TPRN: variants seen among roughly 807,000 people sequenced by gnomAD.
The protein encoded by TPRN is taperin, also known as chromosome 9 open reading frame 75.
Under a neutral mutation model 42.6 loss-of-function variants are expected in TPRN, and 32 were observed. The ratio of observed to expected loss-of-function variants is 0.75; its 90% CI spans 0.57 to 1.01. TPRN has a LOEUF of 1.01. Ranked by LOEUF, TPRN falls within the 50% of genes least tolerant of loss-of-function variation. The pLI is 0.00. For synonymous variants in TPRN, 541 were observed against 445.6 expected (o/e 1.21, Z -2.70); for missense variants, 1,095 against 957.5 (o/e 1.14, Z -1.90).
Position 137,200,397 on chromosome 9 carries a change from G to A in TPRN, c.315C>T (p.Gly105=). The part of the protein sequence containing the change: ...DSVLIIETVP[G]FPPAPPAPGA... ...CCGGGGCGGGCGGCGCGGGCGGGAA[G>A]CCGGGCACCGTCTCGATGATGAGGA... Residue 105 remains glycine (G), a synonymous_variant, in exon 1 of 4, where the codon GGC becomes GGT. Coordinates refer to ENST00000409012, the MANE Select transcript of TPRN (RefSeq NM_001128228.3). The surrounding 1 kb of genome is among the most constrained non-coding windows in gnomAD (Gnocchi z 4.3). The A allele has an allele frequency of 2.7e-6, 3 of 1,111,972 alleles. No individual in the cohort carries two copies. Among genetic ancestry groups the A allele is most frequent in the Non-Finnish European group, 3.3e-6 (3 of 909,084 alleles). The allele number at this position is 1,111,972 out of a possible 1,614,324, so 68.9% of individuals were successfully genotyped here.
rs547167211 is a variant in TPRN, at chr9:137,191,900, C to A, written c.*212G>T. ...CCACAGGCAGTTCCCCACCCCACTTCCCCCTTGGACCCTCCCAAATCAGGG... is the reference window on the plus strand; with the variant it reads ...CCACAGGCAGTTCCCCACCCCACTTACCCCTTGGACCCTCCCAAATCAGGG... On this transcript the variant is annotated 3_prime_UTR_variant, in exon 4 of 4. Coordinates refer to ENST00000409012, the MANE Select transcript of TPRN (RefSeq NM_001128228.3). 1 of 646,956 alleles carries A rather than the reference C, an allele frequency of 1.5e-6. No homozygotes were observed. Among genetic ancestry groups the A allele is most frequent in the Admixed American group, 2.4e-5 (1 of 42,448 alleles). The allele number at this position is 646,956 out of a possible 1,614,324, so 40.1% of individuals were successfully genotyped here.
In TPRN at chr9:137,199,345, G is replaced by C. The variant is rs1356428779; in HGVS notation, c.1367C>G (p.Thr456Ser). ...CTCCGAGTCTACCTCATCGATGAAG[G>C]TGACAGGCAGCCCCGGCCTCACATA... ...REYVRPGLPV[T>S]FIDEVDSEEA... is the part of the protein sequence containing the mutation. The change falls in exon 1 of 4, where the codon ACC becomes AGC. Residue 456 changes from threonine (T) to serine (S), a missense_variant. Physicochemically the swap from Thr to Ser is moderately conservative, Grantham distance 58 (BLOSUM62 1). Transcript: ENST00000409012. 4 of 1,612,656 alleles carry C rather than the reference G, an allele frequency of 2.5e-6. No individual in the cohort carries two copies. Among genetic ancestry groups the C allele is most frequent in the Non-Finnish European group, 8.5e-7 (1 of 1,180,024 alleles).
intron 1 of TPRN, chr9:137,193,130 A>T (rs1034921694): frequency 1.0e-5 from 2 of 197,372 alleles, no homozygotes; most frequent in Admixed American, 1.1e-4. Context: ...GGGGCCTTGC[A>T]CTCTAGGCTC....
Position 137,192,021 on chromosome 9 carries a change from A to G in TPRN, c.*91T>C. On this transcript the variant is annotated 3_prime_UTR_variant, in exon 4 of 4. Coordinates refer to ENST00000409012, the MANE Select transcript of TPRN (RefSeq NM_001128228.3). The stretch of plus-strand genomic sequence containing the variant: ...TGGGTGGGATACAGTGAGGCCAAAC[A>G]AGGCAGAAGCGGGTGCAGTAGTCCC... 6.6e-7 allele frequency: 1 copy of G among 1,516,146 alleles called. No individual in the cohort carries two copies. Among genetic ancestry groups the G allele is most frequent in the South Asian group, 1.1e-5 (1 of 87,514 alleles). 93.9% of individuals were successfully genotyped at this position (1,516,146 alleles called of 1,614,324 possible). A position where few individuals can be genotyped will look rare whatever the true frequency, so the allele number is the denominator to read the frequency against.
chr9:137,199,973 G>C lies in TPRN; in HGVS notation c.739C>G (p.Gln247Glu). The change falls in exon 1 of 4, where the codon CAG (glutamine) becomes GAG (glutamate). Residue 247 changes from glutamine (Q) to glutamate (E), a missense_variant. Gln to Glu is a conservative substitution (Grantham distance 29, BLOSUM62 2). Transcript: ENST00000409012. ...RLAGSPPGSG[Q>E]WKPKVESGDP... is the part of the protein sequence containing the mutation. The stretch of plus-strand genomic sequence containing the variant: ...CCCGACTCCACCTTTGGCTTCCACT[G>C]TCCCGACCCAGGCGGGGAGCCCGCG... 1 of 1,453,166 alleles carries C rather than the reference G, an allele frequency of 6.9e-7. No individual in the cohort carries two copies. Among genetic ancestry groups the C allele is most frequent in the South Asian group, 1.4e-5 (1 of 70,174 alleles). The allele number at this position is 1,453,166 out of a possible 1,614,324, so 90.0% of individuals were successfully genotyped here.
At chr9:137,193,705 G>A (rs1834663121) in intron 1 of TPRN, 1 of 152,324 alleles carries the variant, frequency 6.6e-6, no homozygotes, top group African/African-American at 2.4e-5. Context: ...AGCCCTGAGG[G>A]AGCTCGAAAT....
chr9:137,198,451 G>C (rs1834739003), intron 1 of TPRN, among the ~76,000 whole-genome samples: 1 of 152,230 alleles, frequency 6.6e-6, no homozygotes, highest in Admixed American at 6.5e-5. Context: ...TGCCTTCTGG[G>C]GAGCTGATGG....
At chr9:137,194,143 A>G in intron 1 of TPRN, 1 of 152,348 alleles carries the variant, frequency 6.6e-6, no homozygotes, top group Non-Finnish European at 1.5e-5. Context: ...TGAGCGGGGG[A>G]GGGGGAGGCC....
rs536480359 is a variant in TPRN at position 137,192,588 on chromosome 9, TC to T, written c.1828del (p.Glu610ArgfsTer31). On this transcript the variant is annotated frameshift_variant, in exon 2 of 4. Coordinates refer to ENST00000409012, the MANE Select transcript of TPRN (RefSeq NM_001128228.3). LOFTEE classifies it high-confidence loss of function. ...CTCTTCCTCTTCCTCCTCCTCCTCCTCCTCCTCCTCCTGCTGGTCCACCTCT... is the reference window on the plus strand; with the variant it reads ...CTCTTCCTCTTCCTCCTCCTCCTCCTCTCCTCCTCCTGCTGGTCCACCTCT... ...EEEVDQQEEEEEEEEEEEEEE... is the reference protein window; with the variant it reads ...EEEVDQQEEEXEEEEEEEEEE... 485 of 1,612,870 alleles carry T rather than the reference TC, an allele frequency of 3.0e-4. 2 individuals carry two copies. In the East Asian group the frequency reaches 0.01, roughly 34 times the overall value.
Position 137,199,855 on chromosome 9 carries a change from C to A in TPRN, c.857G>T (p.Cys286Phe). 1 of 1,558,596 alleles carries A rather than the reference C, an allele frequency of 6.4e-7. No individual in the cohort carries two copies. Among genetic ancestry groups the A allele is most frequent in the Non-Finnish European group, 8.7e-7 (1 of 1,151,246 alleles). ...GTTGGTGCTGGTGGCTGCGGAGACGCACTGGCGCTGGCTAGGAGTGGCACT... is the reference window on the plus strand; with the variant it reads ...GTTGGTGCTGGTGGCTGCGGAGACGAACTGGCGCTGGCTAGGAGTGGCACT... The part of the protein sequence containing the change: ...PASATPSQRQ[C>F]VSAATSTNDS... Residue 286 changes from cysteine to phenylalanine, a missense_variant, in exon 1 of 4, where the codon TGC becomes TTC. Cys to Phe is a radical substitution (Grantham distance 205). Transcript: ENST00000409012.
intron 1 of TPRN, among the ~76,000 whole-genome samples, chr9:137,196,517 G>T (rs1426917241): frequency 6.6e-6 from 1 of 152,204 alleles, no homozygotes; most frequent in Admixed American, 6.5e-5. Context: ...AACCCTGGGA[G>T]ATGAAGTTTG....
intron 1 of TPRN, 50 bp from the exon 2 acceptor site, chr9:137,192,741 G>C: frequency 6.3e-7 from 1 of 1,596,104 alleles, no homozygotes; most frequent in Non-Finnish European, 8.6e-7. Context: ...CATGGGCACA[G>C]TGATGCCAGG....
At position 137,200,688 on chromosome 9, in the gene TPRN, GCCCGGCCGC is replaced by G; in HGVS notation, c.15_23del (p.Arg6_Gly8del). 1 of 1,211,464 alleles carries G rather than the reference GCCCGGCCGC, an allele frequency of 8.3e-7. No homozygotes were observed. The highest frequency in any genetic ancestry group is 1.0e-6 in the Non-Finnish European group (1 of 965,602). The allele number at this position is 1,211,464 out of a possible 1,614,324, so 75.0% of individuals were successfully genotyped here. A position where few individuals can be genotyped will look rare whatever the true frequency, so the allele number is the denominator to read the frequency against. On this transcript the variant is annotated inframe_deletion, in exon 1 of 4. Transcript: ENST00000409012. This position sits in a 1 kb window ranked among gnomAD's most constrained non-coding sequence, Gnocchi z 4.3. ...CGGGCACCGCAGCGCGCGGCCCCGA[GCCCGGCCGC>G]CCCAGGGCGGCCATGCTGCGAACGC...
intron 1 of TPRN, among the ~76,000 whole-genome samples, chr9:137,196,132 C>T (rs1039147652): frequency 6.6e-6 from 1 of 152,240 alleles, no homozygotes; most frequent in African/African-American, 2.4e-5. Flanking sequence ...GACAACTCCA[C>T]TGAAGAGCTG....
intron 1 of TPRN, among the ~76,000 whole-genome samples, chr9:137,197,683 C>T (rs373724877): frequency 1.8e-4 from 28 of 152,294 alleles, no homozygotes; most frequent in East Asian, 7.7e-4. Flanking sequence ...AAGGTACAGA[C>T]GCAGGGGAGG....
chr9:137,197,895 G>A (rs1166029213), intron 1 of TPRN, among the ~76,000 whole-genome samples: 1 of 152,216 alleles, frequency 6.6e-6, no homozygotes, highest in Non-Finnish European at 1.5e-5. Flanking sequence ...GGCAGATAGA[G>A]CCGGCAGGGG....
rs148777990 is a variant in TPRN, at chr9:137,199,312, G to C, written c.1400C>G (p.Pro467Arg). ...FIDEVDSEEA[P>R]QAAKLPYLPH... ...GAGGTAGGGTAGTTTGGCTGCTTGG[G>C]GGGCCTCCTCCGAGTCTACCTCATC... Residue 467 changes from proline (P) to arginine (R), a missense_variant, in exon 1 of 4, where the codon CCC (proline) becomes CGC (arginine). Pro to Arg is a moderately radical substitution (Grantham distance 103, BLOSUM62 -2). Coordinates refer to ENST00000409012, the MANE Select transcript of TPRN (RefSeq NM_001128228.3). The C allele has an allele frequency of 1.9e-5, 30 of 1,612,454 alleles. No individual in the cohort carries two copies. In the East Asian group the frequency reaches 2.0e-4, roughly 11 times the overall value.
Position 137,200,544 on chromosome 9 carries a change from C to A in TPRN, c.168G>T (p.Leu56=). Residue 56 remains leucine, a synonymous_variant, in exon 1 of 4, where the codon CTG becomes CTT. Transcript: ENST00000409012. This position sits in a 1 kb window ranked among gnomAD's most constrained non-coding sequence, Gnocchi z 4.3. ...QRVLAESLGP[L]RENPFMLLEA... is the part of the protein sequence containing the mutation. ...CCAGCAGCATGAACGGGTTCTCGCG[C>A]AGCGGGCCCAGGCTCTCGGCCAGCA... The A allele has an allele frequency of 1.7e-6, 2 of 1,167,404 alleles. No individual in the cohort carries two copies. Among genetic ancestry groups the A allele is most frequent in the Admixed American group, 4.7e-5 (1 of 21,418 alleles). 72.3% of individuals were successfully genotyped at this position (1,167,404 alleles called of 1,614,324 possible).
chr9:137,195,598 G>T (rs934478014), intron 1 of TPRN, among the ~76,000 whole-genome samples: 4 of 152,228 alleles, frequency 2.6e-5, no homozygotes, highest in Non-Finnish European at 5.9e-5. Flanking sequence ...ATCAGAGAGC[G>T]AGGCCTTGGG....
Sources: allele counts gnomAD v4.1 joint callset (sites outside exome capture counted in the v4.1 genomes callset), GRCh38; gene constraint gnomAD v4.1.1; non-coding constraint Gnocchi (gnomAD v3.1); transcripts MANE v1.5; gene names NCBI Gene and HGNC (gene_info 2026-07-23, HGNC 2026-07-21).